The following NCKAP5 variants were observed in gnomAD, a reference collection of about 807,000 sequenced individuals.
NCKAP5 encodes the protein nck-associated protein 5.
In NCKAP5, 92 loss-of-function variants were observed where a neutral mutation model predicts 167.0. The ratio of observed to expected loss-of-function variants is 0.55; its 90% CI spans 0.47 to 0.66. The LOEUF (loss-of-function observed/expected upper bound fraction) is 0.66, where lower values mean the gene tolerates loss of function less well. Ranked by LOEUF, NCKAP5 falls within the 30% of genes least tolerant of loss-of-function variation. NCKAP5 has a pLI of 0.00. For synonymous variants in NCKAP5, 891 were observed against 877.4 expected, an observed-to-expected ratio of 1.02 and a Z score of -0.27; for missense variants, 2,378 against 2,315.0, an observed-to-expected ratio of 1.03 and a Z score of -0.56.
chr2:133,606,855 T>C, the NCKAP5 span, among the ~76,000 whole-genome samples: 2 of 152,034 alleles, frequency 1.3e-5, no homozygotes, highest in Non-Finnish European at 1.5e-5. Context: ...TTGGGAGCTA[T>C]ACTGTTTGCT....
intron 3 of NCKAP5, among the ~76,000 whole-genome samples, chr2:133,465,219 T>C (rs112656287): frequency 0.031 from 4,315 of 139,488 alleles, 208 homozygotes; most frequent in African/African-American, 0.11. Flanking sequence ...CCATGTGATC[T>C]CATTGTTCAA....
chr2:133,428,491 A>C (rs906956685), intron 3 of NCKAP5, among the ~76,000 whole-genome samples: 1 of 152,164 alleles, frequency 6.6e-6, no homozygotes, highest in African/African-American at 2.4e-5. Flanking sequence ...TGAGGGATTT[A>C]AGTTAGAAGT....
chr2:133,018,033 T>C (rs2078401765), intron 6 of NCKAP5, among the ~76,000 whole-genome samples: 1 of 152,164 alleles, frequency 6.6e-6, no homozygotes. Context: ...TTATTGACCT[T>C]GCAGGTCTTG....
At chr2:133,245,977 A>G (rs1024564606) in intron 4 of NCKAP5, among the ~76,000 whole-genome samples, 5 of 151,974 alleles carry the variant, frequency 3.3e-5, no homozygotes, top group Admixed American at 6.5e-5. Flanking sequence ...GTCAACTAGC[A>G]TATGTTGCAA....
At chr2:132,681,634 T>C (rs1422322888) in intron 19 of NCKAP5, among the ~76,000 whole-genome samples, 3 of 152,180 alleles carry the variant, frequency 2.0e-5, no homozygotes, top group African/African-American at 7.2e-5. Context: ...ATTTTTCCCA[T>C]GGAAGTTCCC....
chr2:133,242,708 G>A (rs2087776772), intron 4 of NCKAP5, among the ~76,000 whole-genome samples: 1 of 152,182 alleles, frequency 6.6e-6, no homozygotes, highest in African/African-American at 2.4e-5. Context: ...AAATGAATGA[G>A]AAAATGCTTT....
In NCKAP5 at chr2:133,061,079, AAC is replaced by A. The variant is rs1430640776; in HGVS notation, c.342-66842_342-66841del. On this transcript the variant is annotated intron_variant, in intron 6 of 19. Transcript: ENST00000409261. ...TCCCAAAATATTAAAAAAAAAACAA[AAC>A]AACAACAACAAAAAAACCTATTTAT... 3.0e-4 allele frequency among the ~76,000 whole-genome samples: 17 copies of A among 55,972 alleles called. No individual in the cohort carries two copies. The East Asian group carries it at 0.28, about 908-fold the overall frequency. 36.7% of individuals were successfully genotyped at this position (55,972 alleles called of 152,430 possible).
chr2:132,827,791 T>C (rs143155859), intron 11 of NCKAP5, among the ~76,000 whole-genome samples: 27 of 152,326 alleles, frequency 1.8e-4, no homozygotes, highest in African/African-American at 6.3e-4. Context: ...TTTATACTGA[T>C]TCTTATTTTT....
intron 3 of NCKAP5, among the ~76,000 whole-genome samples, chr2:133,374,813 C>T (rs1397223822): frequency 6.6e-6 from 1 of 152,184 alleles, no homozygotes; most frequent in African/African-American, 2.4e-5. Flanking sequence ...AAAGGAGCGG[C>T]ATCTTCAAAG....
At chr2:133,499,987 A>G (rs1177976350) in intron 3 of NCKAP5, among the ~76,000 whole-genome samples, 1 of 152,170 alleles carries the variant, frequency 6.6e-6, no homozygotes, top group Non-Finnish European at 1.5e-5. Context: ...CAAGCACTGT[A>G]AACACTTCCA....
At chr2:133,331,379 A>G (rs1362280506) in intron 3 of NCKAP5, among the ~76,000 whole-genome samples, 1 of 152,212 alleles carries the variant, frequency 6.6e-6, no homozygotes, top group Non-Finnish European at 1.5e-5. Context: ...ATAAAACATA[A>G]TAAATCTGTC....
the NCKAP5 span, among the ~76,000 whole-genome samples, chr2:133,592,540 A>G: frequency 6.6e-6 from 1 of 152,222 alleles, no homozygotes; most frequent in South Asian, 2.1e-4. Flanking sequence ...GGATTCTTAC[A>G]TCACTGGGAA....
the NCKAP5 span, among the ~76,000 whole-genome samples, chr2:133,658,256 G>A: frequency 6.6e-6 from 1 of 152,116 alleles, no homozygotes; most frequent in Non-Finnish European, 1.5e-5. Flanking sequence ...TGTGGTCTCT[G>A]AGGCATCCCA....
At chr2:132,692,740 T>C (rs1686887665) in intron 19 of NCKAP5, among the ~76,000 whole-genome samples, 2 of 152,208 alleles carry the variant, frequency 1.3e-5, no homozygotes, top group Non-Finnish European at 2.9e-5. Flanking sequence ...ATGTTTAACG[T>C]GGAAAACCAC....
At chr2:133,008,867 C>G (rs1427787518) in intron 6 of NCKAP5, among the ~76,000 whole-genome samples, 1 of 152,186 alleles carries the variant, frequency 6.6e-6, no homozygotes, top group African/African-American at 2.4e-5. Flanking sequence ...TTTTGCCAAT[C>G]ATCAAAATCA....
chr2:133,443,280 T>C (rs867220796), intron 3 of NCKAP5, among the ~76,000 whole-genome samples: 7 of 152,314 alleles, frequency 4.6e-5, no homozygotes, highest in Middle Eastern at 3.4e-3. Flanking sequence ...TAGTCCTGCC[T>C]GGTTCCACTT....
chr2:133,379,282 G>A (rs1316260426), intron 3 of NCKAP5, among the ~76,000 whole-genome samples: 3 of 152,110 alleles, frequency 2.0e-5, no homozygotes, highest in Non-Finnish European at 4.4e-5. Flanking sequence ...CATACCTCGT[G>A]ATTCAAAATA....
Position 133,516,870 on chromosome 2 carries a change from T to C in NCKAP5, c.69+588A>G, listed in dbSNP as rs138232910. Among the ~76,000 whole-genome samples the C allele has an allele frequency of 1.1e-3, 170 of 152,332 alleles. 3 individuals carry two copies. The highest frequency in any genetic ancestry group is 3.8e-3 in the African/African-American group (156 of 41,566). On this transcript the variant is annotated intron_variant, in intron 3 of 19. Coordinates refer to ENST00000409261, the MANE Select transcript of NCKAP5 (RefSeq NM_207363.3). ...TGTTGGCCCAGAGACTGCAGAAGAA[T>C]AGCCAACCATCAGACTTAGTCTAAA...
intron 3 of NCKAP5, among the ~76,000 whole-genome samples, chr2:133,348,229 C>T (rs1241814082): frequency 1.3e-5 from 2 of 152,178 alleles, no homozygotes; most frequent in East Asian, 1.9e-4. Flanking sequence ...TCTCTCCCTC[C>T]TTCCATTGCT....
Sources: allele counts gnomAD v4.1 joint callset (sites outside exome capture counted in the v4.1 genomes callset), GRCh38; gene constraint gnomAD v4.1.1; transcripts MANE v1.5; gene names NCBI Gene and HGNC (gene_info 2026-07-23, HGNC 2026-07-21).